The following AVL9 variants were observed in gnomAD, a reference collection of about 807,000 sequenced individuals.
AVL9 encodes late secretory pathway protein AVL9 homolog.
In AVL9, 49 loss-of-function variants were observed where a neutral mutation model predicts 79.2. That is an observed-to-expected ratio of 0.62 (90% CI 0.49 to 0.79). The LOEUF (loss-of-function observed/expected upper bound fraction) is 0.79. Among genes scored for constraint, AVL9 ranks in the 30% least tolerant of loss-of-function variants. The pLI is 0.00. For missense variants in AVL9, 682 were observed against 776.8 expected (o/e 0.88, Z 1.45); for synonymous variants, 299 against 280.6 (o/e 1.07, Z -0.65).
intron 1 of AVL9, chr7:32,538,933 T>A (rs1319745012): frequency 6.6e-6 from 1 of 151,972 alleles, no homozygotes; most frequent in African/African-American, 2.4e-5. Flanking sequence ...CCCATTTCAA[T>A]ATAATGCTAA....
chr7:32,569,621 G>A (rs1456239591), intron 10 of AVL9, among the ~76,000 whole-genome samples: 1 of 152,178 alleles, frequency 6.6e-6, no homozygotes. Context: ...ATGTGCAGAT[G>A]CATGTATTTT....
At chr7:32,513,820 T>C (rs539082304) in intron 1 of AVL9, among the ~76,000 whole-genome samples, 46 of 152,346 alleles carry the variant, frequency 3.0e-4, no homozygotes, top group Middle Eastern at 3.4e-3. Context: ...GTGAGGGGAA[T>C]GTGGTGTAAC....
At chr7:32,548,984 G>C in intron 4 of AVL9, 66 bp downstream of exon 4, 1 of 1,032,324 alleles carries the variant, frequency 9.7e-7, no homozygotes, top group East Asian at 2.7e-5. Flanking sequence ...TAAGGATAAG[G>C]CACTATTAGA....
chr7:32,533,320 A>C (rs2128129719), intron 1 of AVL9: 1 of 152,334 alleles, frequency 6.6e-6, no homozygotes, highest in South Asian at 2.1e-4. Context: ...AAAAATAAAA[A>C]ATAAAAAATC....
intron 15 of AVL9, among the ~76,000 whole-genome samples, chr7:32,582,762 A>G (rs563562980): frequency 6.6e-6 from 1 of 152,248 alleles, no homozygotes; most frequent in Non-Finnish European, 1.5e-5. Context: ...ATCTTGGCTC[A>G]CTGCAATCCC....
intron 13 of AVL9, among the ~76,000 whole-genome samples, chr7:32,577,722 G>C (rs1791164741): frequency 6.6e-6 from 1 of 152,228 alleles, no homozygotes; most frequent in African/African-American, 2.4e-5. Flanking sequence ...AAGAGACTTA[G>C]CTGAAATGAG....
chr7:32,573,176 A>G (rs1790935434), intron 11 of AVL9, 23 bp from the exon 12 acceptor site: 2 of 1,600,566 alleles, frequency 1.2e-6, no homozygotes, highest in Non-Finnish European at 1.7e-6. Context: ...CCAGACTCTG[A>G]CTTGTACCTG....
chr7:32,553,890 A>G (rs1789950079), intron 7 of AVL9, 123 bp downstream of exon 7: 1 of 628,418 alleles, frequency 1.6e-6, no homozygotes, highest in Non-Finnish European at 2.8e-6. Flanking sequence ...GTGGCATACC[A>G]TGCTTTAGTT....
Position 32,559,080 on chromosome 7 carries a change from C to G in AVL9, c.831C>G (p.Ile277Met). ...TTTCACATACCAACTTGGGAACTAT[C>G]AGGAAAGTCATGGCAGGAAACCATG... ...ADVSHTNLGT[I>M]RKVMAGNHGE... The change falls in exon 10 of 16, where the codon ATC becomes ATG. Residue 277 changes from isoleucine to methionine, a missense_variant. By Grantham distance (10) the Ile-to-Met change is conservative (BLOSUM62 1). Transcript: ENST00000318709. 3.1e-6 allele frequency: 5 copies of G among 1,614,118 alleles called. No individual in the cohort carries two copies. The highest frequency in any genetic ancestry group is 4.2e-6 in the Non-Finnish European group (5 of 1,180,004).
intron 1 of AVL9, among the ~76,000 whole-genome samples, chr7:32,519,244 T>C (rs4723166): frequency 0.97 from 147,368 of 152,002 alleles, 71,583 homozygotes; most frequent in South Asian, 1. Flanking sequence ...CTGGCCAAGA[T>C]GGTGAAACCC....
intron 13 of AVL9, among the ~76,000 whole-genome samples, chr7:32,576,781 T>A (rs6945884): frequency 2.0e-5 from 3 of 151,860 alleles, no homozygotes; most frequent in Non-Finnish European, 4.4e-5. Flanking sequence ...AGGGAGACTT[T>A]GTCTCAAAAG....
At chr7:32,533,963 CTTTGTT>C (rs1227084628) in intron 1 of AVL9, 1 of 152,096 alleles carries the variant, frequency 6.6e-6, no homozygotes, top group African/African-American at 2.4e-5. Context: ...TACTATGTTA[CTTTGTT>C]TTTGTAGTTT....
chr7:32,580,111 A>G, intron 13 of AVL9, 108 bp from the exon 14 acceptor site: 3 of 829,692 alleles, frequency 3.6e-6, no homozygotes, highest in Non-Finnish European at 3.9e-6. Context: ...CAGCACTACC[A>G]CCCAGCTGTG....
At chr7:32,498,886 G>A (rs1786984839) in intron 1 of AVL9, among the ~76,000 whole-genome samples, 1 of 149,236 alleles carries the variant, frequency 6.7e-6, no homozygotes, top group South Asian at 2.2e-4. Context: ...AAGTGTGGCC[G>A]GGTGCAGTAG....
intron 1 of AVL9, among the ~76,000 whole-genome samples, chr7:32,511,382 A>C (rs938200234): frequency 2.0e-4 from 23 of 117,214 alleles, no homozygotes; most frequent in South Asian, 8.5e-4. Flanking sequence ...TGAGGAAAGC[A>C]ATCTCTCCAG....
intron 13 of AVL9, among the ~76,000 whole-genome samples, chr7:32,578,133 G>C (rs990665137): frequency 2.6e-5 from 4 of 152,194 alleles, no homozygotes; most frequent in African/African-American, 9.7e-5. Context: ...TCAGGTTATA[G>C]TGGCAAGACA....
At chr7:32,580,713 T>TTGTG (rs35499747) in intron 14 of AVL9, 89 bp from the exon 15 acceptor site, 30 of 722,630 alleles carry the variant, frequency 4.2e-5, no homozygotes, top group Non-Finnish European at 6.7e-5. Flanking sequence ...AGAGTGACTA[T>TTGTG]TGTGTGTGTG....
At chr7:32,548,810 G>T (rs112656852) in intron 3 of AVL9, 37 bp from the exon 4 acceptor site, 1 of 1,386,272 alleles carries the variant, frequency 7.2e-7, no homozygotes, top group Non-Finnish European at 9.8e-7. Flanking sequence ...ATATTGCTAT[G>T]AAATATTTCT....
At position 32,588,382 on chromosome 7, in the gene AVL9, T is replaced by C. The variant is rs548816575; in HGVS notation, c.*4475T>C. On this transcript the variant is annotated 3_prime_UTR_variant, in exon 16 of 16. Transcript: ENST00000318709. Reference sequence around the variant, plus strand: ...CACTGGTTCCTGAATTTAGAAAACATTGGATTAATGAGTTGGTGAAGGCAT... The same window carrying C: ...CACTGGTTCCTGAATTTAGAAAACACTGGATTAATGAGTTGGTGAAGGCAT... 7 of 152,192 alleles carry C rather than the reference T, an allele frequency of 4.6e-5. No homozygotes were observed. Among genetic ancestry groups the C allele is most frequent in the African/African-American group, 7.2e-5 (3 of 41,444 alleles). 9.4% of individuals were successfully genotyped at this position (152,192 alleles called of 1,614,324 possible). A position where few individuals can be genotyped will look rare whatever the true frequency, so the allele number is the denominator to read the frequency against.
Sources: gnomAD v4.1 joint callset for allele counts (sites outside exome capture counted in the v4.1 genomes callset) on GRCh38, gnomAD v4.1.1 for gene constraint, MANE v1.5 for transcripts, NCBI Gene and HGNC (gene_info 2026-07-23, HGNC 2026-07-21) for gene names.